DAPK2: variants seen among roughly 807,000 people sequenced by gnomAD.
DAPK2 encodes death-associated protein kinase 2.
DAPK2 carries 35 observed loss-of-function variants against 44.1 expected under a neutral mutation model. The observed-to-expected ratio is 0.79, with a 90% CI of 0.61 to 1.05. DAPK2 has a LOEUF of 1.05. DAPK2 is among the 50% of genes least tolerant of loss of function. DAPK2 has a pLI of 0.00. For missense variants in DAPK2, 453 were observed against 483.2 expected (o/e 0.94, Z 0.59); for synonymous variants, 174 against 182.6 (o/e 0.95, Z 0.38).
chr15:63,919,420 C>G (rs1035496307), intron 8 of DAPK2: 1 of 152,128 alleles, frequency 6.6e-6, no homozygotes, highest in African/African-American at 2.4e-5. Flanking sequence ...CTTCTCCCTC[C>G]CTTTTCCCAA....
intron 1 of DAPK2, among the ~76,000 whole-genome samples, chr15:64,037,693 G>A (rs571806716): frequency 3.9e-5 from 6 of 152,298 alleles, no homozygotes; most frequent in African/African-American, 1.4e-4. Context: ...TTCAAAGGCA[G>A]CTCTAGTTCT....
chr15:63,981,076 C>T (rs890590527), intron 2 of DAPK2, among the ~76,000 whole-genome samples: 2 of 115,170 alleles, frequency 1.7e-5, no homozygotes, highest in African/African-American at 6.1e-5. Context: ...GACGACAGAG[C>T]GAGACTCCAT....
chr15:64,026,593 G>A (rs2079853593), intron 1 of DAPK2, among the ~76,000 whole-genome samples: 1 of 152,092 alleles, frequency 6.6e-6, no homozygotes, highest in African/African-American at 2.4e-5. Context: ...CAAGGTGGAG[G>A]ACAGAAGCTC....
At chr15:64,036,242 A>G (rs908328820) in intron 1 of DAPK2, among the ~76,000 whole-genome samples, 13 of 145,360 alleles carry the variant, frequency 8.9e-5, no homozygotes, top group Admixed American at 3.7e-4. Flanking sequence ...ACCTGGCGAC[A>G]GAGTGAAACT....
At chr15:63,997,937 T>C (rs7167478) in intron 1 of DAPK2, among the ~76,000 whole-genome samples, 37,232 of 152,064 alleles carry the variant, frequency 0.24, 4,677 homozygotes, top group African/African-American at 0.3. Context: ...TTTCATGCAC[T>C]GATCCACACA....
intron 1 of DAPK2, among the ~76,000 whole-genome samples, chr15:64,030,979 T>TACACACATACAC (rs2079996456): frequency 7.1e-6 from 1 of 140,186 alleles, no homozygotes; most frequent in Non-Finnish European, 1.5e-5. Context: ...AATACACACA[T>TACACACATACAC]ACACACACAC....
intron 3 of DAPK2, among the ~76,000 whole-genome samples, chr15:63,949,061 G>A (rs2077522880): frequency 6.6e-6 from 1 of 152,168 alleles, no homozygotes; most frequent in South Asian, 2.1e-4. Context: ...TTGCCTGCTG[G>A]TTTGCCATTT....
At chr15:64,040,112 A>T in intron 1 of DAPK2, 58 bp downstream of exon 2, 1 of 1,381,174 alleles carries the variant, frequency 7.2e-7, no homozygotes, top group Non-Finnish European at 1.0e-6. Flanking sequence ...CAACTGTGCC[A>T]GAAGAAGCAT....
rs2079520823 is a variant in DAPK2 at position 64,016,177 on chromosome 15, CA to C, written c.92+23992del. 2.0e-5 allele frequency among the ~76,000 whole-genome samples: 3 copies of C among 152,352 alleles called. No homozygotes were observed. In the South Asian group the frequency reaches 6.2e-4, roughly 32 times the overall value. On this transcript the variant is annotated intron_variant, in intron 1 of 10. Transcript: ENST00000261891. ...CTCTCTCAGGTACTGCCGCCACCAG[CA>C]GGACACACGGCCTCTTACAGATTCT... is the stretch of plus-strand genomic sequence containing the variant.
chr15:64,034,606 G>C (rs906191780), intron 1 of DAPK2, among the ~76,000 whole-genome samples: 2 of 152,092 alleles, frequency 1.3e-5, no homozygotes, highest in African/African-American at 4.8e-5. Flanking sequence ...AGAGAAGTGG[G>C]GGCTATGGAT....
chr15:63,967,747 G>A (rs2078097333), intron 3 of DAPK2, among the ~76,000 whole-genome samples: 1 of 152,314 alleles, frequency 6.6e-6, no homozygotes, highest in East Asian at 1.9e-4. Flanking sequence ...AGGAGCATGT[G>A]GTGAGCAGGG....
exon 11 of DAPK2, chr15:63,907,443 A>G (rs1466510001): frequency 2.7e-5 from 4 of 150,644 alleles, no homozygotes; most frequent in African/African-American, 9.8e-5. Flanking sequence ...TTTTTTGGAT[A>G]TGGTCTCTCT....
intron 8 of DAPK2, chr15:63,922,040 AC>A (rs1404569238): frequency 6.6e-6 from 1 of 152,590 alleles, no homozygotes; most frequent in Non-Finnish European, 1.5e-5. Flanking sequence ...TCTCCCATAT[AC>A]CTCATCTTAG....
intron 1 of DAPK2, among the ~76,000 whole-genome samples, chr15:64,045,386 C>T (rs1024622398): frequency 2.2e-4 from 34 of 152,304 alleles, no homozygotes; most frequent in African/African-American, 8.2e-4. Context: ...GTCAACAGGA[C>T]TCTCCCAGGA....
At chr15:63,921,584 G>A (rs2079073272) in intron 8 of DAPK2, 1 of 152,204 alleles carries the variant, frequency 6.6e-6, no homozygotes, top group African/African-American at 2.4e-5. Context: ...CCTTGGGGAG[G>A]GGTGCTCAAA....
chr15:63,908,244 C>T lies in DAPK2; in HGVS notation c.*276G>A, dbSNP rs1022353231. ...TTTATATTGTTTTCCTAAGTCCACA[C>T]TCCCACCCCAGACTCTGAGGATGGC... On this transcript the variant is annotated 3_prime_UTR_variant, in exon 11 of 11. Transcript: ENST00000261891. The surrounding 1 kb of genome is among the most constrained non-coding windows in gnomAD (Gnocchi z 5.7). 1 of 312,804 alleles carries T rather than the reference C, an allele frequency of 3.2e-6. No individual in the cohort carries two copies. The highest frequency in any genetic ancestry group is 5.8e-6 in the Non-Finnish European group (1 of 171,872). The allele number at this position is 312,804 out of a possible 1,614,324, so 19.4% of individuals were successfully genotyped here.
intron 1 of DAPK2, among the ~76,000 whole-genome samples, chr15:63,993,145 T>C (rs11639281): frequency 0.25 from 38,536 of 152,030 alleles, 5,249 homozygotes; most frequent in Admixed American, 0.36. Flanking sequence ...CACCTCTTCC[T>C]GGCCCACAAC....
At chr15:63,984,532 G>A (rs752747663) in intron 1 of DAPK2, among the ~76,000 whole-genome samples, 16 of 152,282 alleles carry the variant, frequency 1.1e-4, no homozygotes, top group South Asian at 2.1e-4. Flanking sequence ...TCCCCACAGG[G>A]AAGGGCACCA....
intron 1 of DAPK2, among the ~76,000 whole-genome samples, chr15:64,008,595 G>A (rs904906658): frequency 1.3e-5 from 2 of 152,176 alleles, no homozygotes; most frequent in Non-Finnish European, 2.9e-5. Flanking sequence ...GGATGCAATA[G>A]ACAATTATAT....
Sources: gnomAD v4.1 joint callset for allele counts (sites outside exome capture counted in the v4.1 genomes callset) on GRCh38, gnomAD v4.1.1 for gene constraint, Gnocchi (gnomAD v3.1) non-coding constraint, MANE v1.5 for transcripts, NCBI Gene and HGNC (gene_info 2026-07-23, HGNC 2026-07-21) for gene names.